ZNF346: variants seen among roughly 807,000 people sequenced by gnomAD.
ZNF346 encodes double-stranded RNA-binding zinc finger protein JAZ.
ZNF346 carries 23 observed loss-of-function variants against 33.7 expected under a neutral mutation model. That is an observed-to-expected ratio of 0.68 (90% CI 0.49 to 0.97). ZNF346 has a LOEUF of 0.97. Among genes scored for constraint, ZNF346 ranks in the 50% least tolerant of loss-of-function variants. ZNF346 has a pLI of 0.00. For missense variants in ZNF346, 340 were observed against 371.1 expected, an observed-to-expected ratio of 0.92 and a Z score of 0.69; for synonymous variants, 134 against 142.4, an observed-to-expected ratio of 0.94 and a Z score of 0.42.
At chr5:177,076,519 C>G (rs1385119425) in intron 8 of ZNF346, among the ~76,000 whole-genome samples, 1 of 152,224 alleles carries the variant, frequency 6.6e-6, no homozygotes, top group Non-Finnish European at 1.5e-5. Context: ...CTGTCTTCAG[C>G]AAGAATCCTG....
intron 5 of ZNF346, among the ~76,000 whole-genome samples, chr5:177,056,593 G>T (rs1044518830): frequency 6.6e-6 from 1 of 152,202 alleles, no homozygotes; most frequent in Non-Finnish European, 1.5e-5. Flanking sequence ...CCATAAAAAA[G>T]GATGGGTTCA....
intron 5 of ZNF346, among the ~76,000 whole-genome samples, chr5:177,058,450 A>C (rs941619720): frequency 6.6e-6 from 1 of 152,020 alleles, no homozygotes; most frequent in Non-Finnish European, 1.5e-5. Context: ...CAGCCTGGGC[A>C]ACAAAAGCGA....
chr5:177,026,431 C>G (rs1396848905), intron 1 of ZNF346, among the ~76,000 whole-genome samples: 1 of 148,602 alleles, frequency 6.7e-6, no homozygotes, highest in African/African-American at 2.5e-5. Context: ...ACGATCTCAG[C>G]TCACTGCAGC....
chr5:177,075,515 T>C (rs1332639986), intron 8 of ZNF346, among the ~76,000 whole-genome samples: 1 of 152,168 alleles, frequency 6.6e-6, no homozygotes, highest in Non-Finnish European at 1.5e-5. Flanking sequence ...GCAATTCACT[T>C]TACTTACTGA....
chr5:177,045,703 C>G (rs749153253), intron 4 of ZNF346, among the ~76,000 whole-genome samples: 4 of 151,890 alleles, frequency 2.6e-5, no homozygotes, highest in Non-Finnish European at 5.9e-5. Flanking sequence ...ATTGCTCAGG[C>G]TGGTCTTGAA....
chr5:177,028,227 C>A (rs1206410216), intron 1 of ZNF346, among the ~76,000 whole-genome samples: 1 of 148,054 alleles, frequency 6.8e-6, no homozygotes, highest in Non-Finnish European at 1.5e-5. Flanking sequence ...TTAGTAGAGA[C>A]GGGGTTTCAC....
At chr5:177,061,611 C>T (rs898450612) in intron 5 of ZNF346, among the ~76,000 whole-genome samples, 18 of 152,198 alleles carry the variant, frequency 1.2e-4, no homozygotes, top group African/African-American at 4.3e-4. Context: ...CTGTGATTCC[C>T]AGGGTAGAAA....
At chr5:177,048,787 C>CTTTTTTTTTT (rs58509601) in intron 4 of ZNF346, among the ~76,000 whole-genome samples, 24 of 132,162 alleles carry the variant, frequency 1.8e-4, no homozygotes, top group Non-Finnish European at 2.3e-4. Context: ...CTTTTTTTTT[C>CTTTTTTTTTT]TTTTTTTTTT....
chr5:177,069,157 G>T (rs1339800060), downstream of ZNF346, among the ~76,000 whole-genome samples: 1 of 141,824 alleles, frequency 7.1e-6, no homozygotes, highest in Non-Finnish European at 1.5e-5. Flanking sequence ...TGTCTCAGAA[G>T]TTCAGTTTTT....
rs1230084304 is a variant in ZNF346 at position 177,066,825 on chromosome 5, A to G, written c.*2226A>G. Among the ~76,000 whole-genome samples, 1 of 152,180 alleles carries G rather than the reference A, an allele frequency of 6.6e-6. No individual in the cohort carries two copies. The highest frequency in any genetic ancestry group is 1.5e-5 in the Non-Finnish European group (1 of 68,032). On this transcript the variant is annotated 3_prime_UTR_variant, in exon 7 of 7. Coordinates refer to ENST00000358149, the MANE Select transcript of ZNF346 (RefSeq NM_012279.4). ...TGTAATCCAAGCACTTTGAGAGGCC[A>G]AGGCAGGTGGATAACCTGAGGTCAG...
In ZNF346 at chr5:177,067,298, G is replaced by C. The variant is rs759095130; in HGVS notation, c.*2699G>C. ...AGAAAGGAATGTTATGGCCTCAAGA[G>C]CTCTTTGTCCATCCTTTACTGTAGA... On this transcript the variant is annotated 3_prime_UTR_variant, in exon 7 of 7. Coordinates refer to ENST00000358149, the MANE Select transcript of ZNF346 (RefSeq NM_012279.4). Among the ~76,000 whole-genome samples, 11 of 152,146 alleles carry C rather than the reference G, an allele frequency of 7.2e-5. No individual in the cohort carries two copies. Among genetic ancestry groups the C allele is most frequent in the Non-Finnish European group, 1.6e-4 (11 of 68,034 alleles).
At chr5:177,063,813 A>G (rs1016499161) in intron 6 of ZNF346, among the ~76,000 whole-genome samples, 3 of 152,184 alleles carry the variant, frequency 2.0e-5, no homozygotes, top group Non-Finnish European at 4.4e-5. Flanking sequence ...GCTTGAGCCC[A>G]GGAGTTGGAG....
chr5:177,045,179 A>G (rs1282860676), intron 4 of ZNF346, among the ~76,000 whole-genome samples: 1 of 152,140 alleles, frequency 6.6e-6, no homozygotes, highest in Admixed American at 6.5e-5. Context: ...ACCTCTGCTA[A>G]TTGCAATTAG....
intron 1 of ZNF346, among the ~76,000 whole-genome samples, chr5:177,025,301 A>G (rs912235944): frequency 5.3e-5 from 8 of 152,158 alleles, no homozygotes; most frequent in South Asian, 2.1e-4. Context: ...CTATTAATCC[A>G]TTCATTAGTT....
chr5:177,060,193 C>T (rs1782298420), intron 5 of ZNF346, among the ~76,000 whole-genome samples: 1 of 152,040 alleles, frequency 6.6e-6, no homozygotes, highest in Non-Finnish European at 1.5e-5. Flanking sequence ...CAACATGGCA[C>T]AACCCCACCT....
At chr5:177,064,459 C>A in intron 6 of ZNF346, 53 bp from the exon 7 acceptor site, 1 of 1,412,200 alleles carries the variant, frequency 7.1e-7, no homozygotes, top group Non-Finnish European at 1.0e-6. Flanking sequence ...TTGCAGTAGG[C>A]CAATACAGCT....
intron 8 of ZNF346, among the ~76,000 whole-genome samples, chr5:177,079,215 C>T (rs1045815716): frequency 4.7e-5 from 7 of 148,906 alleles, no homozygotes; most frequent in East Asian, 2.0e-4. Context: ...GAGGTTGCAG[C>T]GAGCCAAGAT....
chr5:177,028,717 T>C (rs1188714874), intron 1 of ZNF346, among the ~76,000 whole-genome samples: 22 of 120,278 alleles, frequency 1.8e-4, no homozygotes, highest in African/African-American at 6.2e-4. Flanking sequence ...CTTTTTTTTT[T>C]TTTTTTTTTT....
rs199731522 is a variant in ZNF346, at chr5:177,050,834, C to G, written c.601C>G (p.Gln201Glu). 1.6e-4 allele frequency: 266 copies of G among 1,614,168 alleles called. No homozygotes were observed. The highest frequency in any genetic ancestry group is 4.0e-4 in the East Asian group (18 of 44,884). ...AACTTTCAACGACCCTGTCATGGCTCAACAACATTATGTGGGCAAGAAACA... is the reference window on the plus strand; with the variant it reads ...AACTTTCAACGACCCTGTCATGGCTGAACAACATTATGTGGGCAAGAAACA... ...HATFNDPVMA[Q>E]QHYVGKKHRK... The change falls in exon 5 of 7, where the codon CAA (glutamine) becomes GAA (glutamate). Residue 201 changes from glutamine to glutamate, a missense_variant. Gln to Glu is a conservative substitution (Grantham distance 29, BLOSUM62 2). Coordinates refer to ENST00000358149, the MANE Select transcript of ZNF346 (RefSeq NM_012279.4).
Sources: gnomAD v4.1 joint callset for allele counts (sites outside exome capture counted in the v4.1 genomes callset) on GRCh38, gnomAD v4.1.1 for gene constraint, MANE v1.5 for transcripts, NCBI Gene and HGNC (gene_info 2026-07-23, HGNC 2026-07-21) for gene names.